The following ABHD2 variants were observed in gnomAD, a reference collection of about 807,000 sequenced individuals.
The protein encoded by ABHD2 is monoacylglycerol lipase ABHD2.
In ABHD2, 20 loss-of-function variants were observed where a neutral mutation model predicts 48.1. The observed-to-expected ratio is 0.42, with a 90% CI of 0.29 to 0.60. The LOEUF (loss-of-function observed/expected upper bound fraction) is 0.60. ABHD2 is among the 20% of genes least tolerant of loss of function. The probability of loss-of-function intolerance (pLI) is 0.24; values close to 1 mark genes in which losing one functional copy is unlikely to be tolerated. For synonymous variants in ABHD2, 209 were observed against 214.2 expected, an observed-to-expected ratio of 0.98 and a Z score of 0.21; for missense variants, 405 against 550.9, an observed-to-expected ratio of 0.74 and a Z score of 2.65.
At chr15:89,162,543 C>G (rs2050778192) in intron 5 of ABHD2, among the ~76,000 whole-genome samples, 1 of 152,102 alleles carries the variant, frequency 6.6e-6, no homozygotes. Flanking sequence ...GCACTGAACT[C>G]CAGTGCCTGC....
the ABHD2 span, among the ~76,000 whole-genome samples, chr15:89,077,025 C>T: frequency 2.6e-5 from 4 of 152,094 alleles, no homozygotes; most frequent in South Asian, 2.1e-4. Flanking sequence ...GTTACCTACA[C>T]ACAGAAAAGT....
At chr15:89,052,504 G>A in the ABHD2 span, among the ~76,000 whole-genome samples, 1 of 150,708 alleles carries the variant, frequency 6.6e-6, no homozygotes, top group Non-Finnish European at 1.5e-5. Context: ...TTATTAAAAA[G>A]GAGGGTTTGG....
chr15:89,051,893 A>G, the ABHD2 span, among the ~76,000 whole-genome samples: 1 of 152,160 alleles, frequency 6.6e-6, no homozygotes, highest in East Asian at 1.9e-4. Flanking sequence ...TATTGAGGGT[A>G]CATATAGGGG....
intron 3 of ABHD2, among the ~76,000 whole-genome samples, chr15:89,149,388 A>C (rs1567091648): frequency 6.6e-6 from 1 of 152,238 alleles, no homozygotes; most frequent in Admixed American, 6.5e-5. Context: ...TGTATATTTT[A>C]AAAACATATA....
chr15:89,201,615 G>A lies in ABHD2; in HGVS notation c.*6192G>A. On this transcript the variant is annotated 3_prime_UTR_variant, in exon 11 of 11. Coordinates refer to ENST00000352732, the MANE Select transcript of ABHD2 (RefSeq NM_152924.5). The stretch of plus-strand genomic sequence containing the variant: ...CCCTGGGTCAATAATTCCACTGTTG[G>A]GCCTCACACAGTACCGGTGAGGCAC... The A allele has an allele frequency of 6.3e-7, 1 of 1,591,386 alleles. No individual in the cohort carries two copies. Among genetic ancestry groups the A allele is most frequent in the South Asian group, 1.1e-5 (1 of 90,566 alleles).
chr15:89,055,316 C>T, the ABHD2 span, among the ~76,000 whole-genome samples: 3 of 145,892 alleles, frequency 2.1e-5, no homozygotes, highest in Non-Finnish European at 3.0e-5. Context: ...AAGTAAAACA[C>T]TAGTTTCTTT....
Position 89,176,070 on chromosome 15 carries a change from T to G in ABHD2, c.722+75T>G. On this transcript the variant is annotated intron_variant, in intron 6 of 10. Transcript: ENST00000352732. This position sits in a 1 kb window ranked among gnomAD's most constrained non-coding sequence, Gnocchi z 4.5. ...AGAGATGCCCCGACGCACAACACAC[T>G]GTTCTGTGAAGACCGGGGAACACTG... 1 of 1,434,170 alleles carries G rather than the reference T, an allele frequency of 7.0e-7. No individual in the cohort carries two copies. Among genetic ancestry groups the G allele is most frequent in the Non-Finnish European group, 9.4e-7 (1 of 1,062,736 alleles). The allele number at this position is 1,434,170 out of a possible 1,614,324, so 88.8% of individuals were successfully genotyped here.
chr15:89,077,202 G>A, the ABHD2 span, among the ~76,000 whole-genome samples: 9 of 152,272 alleles, frequency 5.9e-5, no homozygotes, highest in African/African-American at 2.2e-4. Flanking sequence ...TCACACCACA[G>A]CCATGTGTTA....
chr15:89,128,643 T>A (rs930691144), intron 3 of ABHD2, among the ~76,000 whole-genome samples: 16 of 152,160 alleles, frequency 1.1e-4, no homozygotes, highest in Non-Finnish European at 1.6e-4. Context: ...CACTGTGCCC[T>A]TTGATTTTGT....
Position 89,102,535 on chromosome 15 carries a change from C to G in ABHD2, c.-106-11190C>G, listed in dbSNP as rs2049717561. 1 of 152,212 alleles carries G rather than the reference C, an allele frequency of 6.6e-6. No individual in the cohort carries two copies. The highest frequency in any genetic ancestry group is 1.5e-5 in the Non-Finnish European group (1 of 68,032). The allele number at this position is 152,212 out of a possible 1,614,324, so 9.4% of individuals were successfully genotyped here. On this transcript the variant is annotated intron_variant, in intron 1 of 10. Transcript: ENST00000352732. This position sits in a 1 kb window ranked among gnomAD's most constrained non-coding sequence, Gnocchi z 4.8. ...CTTCATTTGCAAGCCACTGCTTTAT[C>G]CACGAGGGTGCTCCCTACTTATGCC...
the ABHD2 span, among the ~76,000 whole-genome samples, chr15:89,058,875 G>A: frequency 6.6e-6 from 1 of 152,216 alleles, no homozygotes; most frequent in Non-Finnish European, 1.5e-5. Context: ...TGGTGGCGCA[G>A]AAGCCATCCT....
At position 89,201,239 on chromosome 15, in the gene ABHD2, TGA is replaced by T; in HGVS notation, c.*5817_*5818del. ...CCTTAAACCTTCATCTCTCAGGTGT[TGA>T]TTTGCTTCTGATAGCTTCATCATTT... On this transcript the variant is annotated 3_prime_UTR_variant, in exon 11 of 11. Transcript: ENST00000352732. The T allele has an allele frequency of 7.4e-7, 1 of 1,359,318 alleles. No individual in the cohort carries two copies. Among genetic ancestry groups the T allele is most frequent in the Non-Finnish European group, 1.0e-6 (1 of 961,828 alleles). The allele number at this position is 1,359,318 out of a possible 1,614,324, so 84.2% of individuals were successfully genotyped here.
intron 1 of ABHD2, among the ~76,000 whole-genome samples, chr15:89,107,221 T>C (rs2049800310): frequency 6.6e-6 from 1 of 152,166 alleles, no homozygotes; most frequent in South Asian, 2.1e-4. Flanking sequence ...ACAAGAACAA[T>C]GCATCTTGGA....
At chr15:89,158,723 G>A (rs2050714247) in intron 5 of ABHD2, among the ~76,000 whole-genome samples, 2 of 151,824 alleles carry the variant, frequency 1.3e-5, no homozygotes, top group African/African-American at 4.8e-5. Context: ...GTTTTGTTTT[G>A]TTTTTTTGAG....
rs1463574063 is a variant in ABHD2 at position 89,116,763 on chromosome 15, A to C, written c.194+242A>C. Among the ~76,000 whole-genome samples the C allele has an allele frequency of 1.3e-5, 2 of 152,206 alleles. No individual in the cohort carries two copies. The highest frequency in any genetic ancestry group is 1.5e-5 in the Non-Finnish European group (1 of 68,042). On this transcript the variant is annotated intron_variant, in intron 3 of 10. Transcript: ENST00000352732. This position sits in a 1 kb window ranked among gnomAD's most constrained non-coding sequence, Gnocchi z 4.6. ...ACAGTGTGATGTCATTATCCATGAC[A>C]GGGACTTTGCAGAAAATAGTAGTCA...
At chr15:89,081,426 A>G in the ABHD2 span, among the ~76,000 whole-genome samples, 1 of 152,164 alleles carries the variant, frequency 6.6e-6, no homozygotes, top group Non-Finnish European at 1.5e-5. Context: ...CCTTTTGGCC[A>G]TTATGAATAA....
At chr15:89,063,842 G>T in the ABHD2 span, among the ~76,000 whole-genome samples, 1 of 152,002 alleles carries the variant, frequency 6.6e-6, no homozygotes, top group Non-Finnish European at 1.5e-5. Context: ...ATTTTTCCAC[G>T]GACAGGGTGG....
rs10152665 is a variant in ABHD2, at chr15:89,182,905, G to A, written c.723-2519G>A. 0.11 allele frequency among the ~76,000 whole-genome samples: 16,387 copies of A among 152,092 alleles called. 1,056 individuals are homozygous for A. The highest frequency in any genetic ancestry group is 0.15 in the South Asian group (739 of 4,818). On this transcript the variant is annotated intron_variant, in intron 6 of 10. Coordinates refer to ENST00000352732, the MANE Select transcript of ABHD2 (RefSeq NM_152924.5). This position sits in a 1 kb window ranked among gnomAD's most constrained non-coding sequence, Gnocchi z 4.8. ...CATTTTGTGATTTGCATCTAAAATT[G>A]AACCCCAGTGTAGCCACTACCAGCT...
chr15:89,135,926 C>T, intron 3 of ABHD2: 1 of 430,232 alleles, frequency 2.3e-6, no homozygotes, highest in Non-Finnish European at 4.3e-6. Context: ...GATCCTTTAA[C>T]TTTTTTTTTT....
Sources: gnomAD v4.1 joint callset for allele counts (sites outside exome capture counted in the v4.1 genomes callset) on GRCh38, gnomAD v4.1.1 for gene constraint, Gnocchi (gnomAD v3.1) non-coding constraint, MANE v1.5 for transcripts, NCBI Gene and HGNC (gene_info 2026-07-23, HGNC 2026-07-21) for gene names.